RBBP7: variants seen among roughly 807,000 people sequenced by gnomAD.
RBBP7 encodes the protein histone-binding protein RBBP7.
In RBBP7, 5 loss-of-function variants were observed where a neutral mutation model predicts 35.2. The observed-to-expected ratio is 0.14, with a 90% confidence interval of 0.07 to 0.30. RBBP7 has a LOEUF of 0.30. Ranked by LOEUF, RBBP7 falls within the 10% of genes least tolerant of loss-of-function variation. The pLI is 1.00. For synonymous variants in RBBP7, 140 were observed against 118.7 expected (o/e 1.18, Z -1.17); for missense variants, 155 against 327.5 (o/e 0.47, Z 4.07).
chrX:16,861,708 T>C (rs1930480343), intron 3 of RBBP7, among the ~76,000 whole-genome samples: 1 of 111,675 alleles, frequency 9.0e-6, no homozygotes, highest in South Asian at 3.7e-4. Flanking sequence ...CTAATAGCGT[T>C]AAGCCATTTG....
At position 16,870,234 on chromosome X, in the gene RBBP7, C is replaced by T; in HGVS notation, c.-181G>A. Reference sequence around the variant, plus strand: ...GCCGCGTCCTTCTTTCCTGCCTCCTCCCCGCTCGCGGGTACCGAGGTCTGA... The same window carrying T: ...GCCGCGTCCTTCTTTCCTGCCTCCTTCCCGCTCGCGGGTACCGAGGTCTGA... On this transcript the variant is annotated 5_prime_UTR_variant, in exon 1 of 12. Coordinates refer to ENST00000380087, the MANE Select transcript of RBBP7 (RefSeq NM_002893.4). The T allele has an allele frequency of 1.6e-6, 1 of 617,897 alleles. No homozygotes were observed. Among genetic ancestry groups the T allele is most frequent in the Non-Finnish European group, 2.0e-6 (1 of 494,606 alleles). 50.9% of individuals were successfully genotyped at this position (617,897 alleles called of 1,213,427 possible).
At chrX:16,846,335 T>C (rs1035847531) in intron 10 of RBBP7, 1 of 118,585 alleles carries the variant, frequency 8.4e-6, no homozygotes, top group Non-Finnish European at 1.7e-5. Flanking sequence ...TTTGCTCATA[T>C]ACAGTTAGGT....
At chrX:16,861,988 GTCC>G (rs1930487350) in intron 3 of RBBP7, among the ~76,000 whole-genome samples, 1 of 111,850 alleles carries the variant, frequency 8.9e-6, no homozygotes, top group Admixed American at 9.5e-5. Flanking sequence ...TATTACTGGG[GTCC>G]TCAAGTTACA....
chrX:16,863,027 C>G lies in RBBP7; in HGVS notation c.235G>C (p.Val79Leu). ...TTGGGAATATGTACTCGAGCAACCA[C>G]CAGATGATTCTGCTCATCAGACGTA... is the stretch of plus-strand genomic sequence containing the variant. ...THTSDEQNHLVVARVHIPNDD... is the reference protein window; with the variant it reads ...THTSDEQNHLLVARVHIPNDD... Residue 79 changes from valine to leucine, a missense_variant, in exon 3 of 12, where the codon GTG (valine) becomes CTG (leucine). By Grantham distance (32) the Val-to-Leu change is conservative. This residue lies in a region of RBBP7 where 59 missense variants were observed against 90.4 expected (regional missense o/e 0.65). Transcript: ENST00000380087. 8.3e-7 allele frequency: 1 copy of G among 1,209,995 alleles called. No homozygotes were observed. The highest frequency in any genetic ancestry group is 1.1e-6 in the Non-Finnish European group (1 of 893,946).
intron 3 of RBBP7, among the ~76,000 whole-genome samples, chrX:16,859,980 C>T (rs1930429881): frequency 9.0e-6 from 1 of 111,009 alleles, no homozygotes; most frequent in African/African-American, 3.3e-5. Flanking sequence ...TATCTCAAAT[C>T]CACGATTACT....
intron 3 of RBBP7, among the ~76,000 whole-genome samples, chrX:16,859,608 C>T (rs1233350734): frequency 8.9e-6 from 1 of 112,197 alleles, no homozygotes; most frequent in Non-Finnish European, 1.9e-5. Flanking sequence ...CTTTTTTGTG[C>T]TCATAGATAA....
intron 6 of RBBP7, 40 bp from the exon 7 acceptor site, chrX:16,852,915 ACACACT>A: frequency 8.3e-7 from 1 of 1,208,327 alleles, no homozygotes; most frequent in Non-Finnish European, 1.1e-6. Flanking sequence ...CCCAGGGATG[ACACACT>A]CACATTCGGC....
At chrX:16,857,846 T>A in intron 4 of RBBP7, 137 bp from the exon 5 acceptor site, 1 of 894,952 alleles carries the variant, frequency 1.1e-6, no homozygotes, top group Non-Finnish European at 1.5e-6. Context: ...CAATGCAAAT[T>A]GAGCCTCATG....
chrX:16,867,435 A>C (rs1028036133), intron 2 of RBBP7, among the ~76,000 whole-genome samples: 3 of 111,852 alleles, frequency 2.7e-5, no homozygotes, highest in Non-Finnish European at 5.6e-5. Context: ...TCCAAACCAG[A>C]ACTTGAATAC....
intron 1 of RBBP7, chrX:16,869,630 C>G (rs1486126438): frequency 1.7e-6 from 2 of 1,158,918 alleles, no homozygotes; most frequent in Non-Finnish European, 2.3e-6. Context: ...CGACGCCCGC[C>G]TCGGCAGCCA....
At chrX:16,863,837 C>T (rs1308498026) in intron 2 of RBBP7, among the ~76,000 whole-genome samples, 1 of 111,364 alleles carries the variant, frequency 9.0e-6, no homozygotes, top group African/African-American at 3.3e-5. Flanking sequence ...CACCTTGGTC[C>T]GAGCAGTGAT....
chrX:16,860,660 C>A (rs1002745794), intron 3 of RBBP7, among the ~76,000 whole-genome samples: 1 of 89,343 alleles, frequency 1.1e-5, no homozygotes, highest in African/African-American at 4.4e-5. Context: ...GGTGACAGAG[C>A]GAAACTTCGT....
Position 16,863,058 on chromosome X carries a change from C to T in RBBP7, c.204G>A (p.Gly68=). ...GATTCTGCTCATCAGACGTATGAGTCCCCAGCACTAGCCAATGAAGGGCAT... is the reference window on the plus strand; with the variant it reads ...GATTCTGCTCATCAGACGTATGAGTTCCCAGCACTAGCCAATGAAGGGCAT... The part of the protein sequence containing the change: ...KDYALHWLVL[G]THTSDEQNHL... Residue 68 remains glycine, a synonymous_variant, in exon 3 of 12, where the codon GGG becomes GGA. Transcript: ENST00000380087. 8.3e-7 allele frequency: 1 copy of T among 1,210,309 alleles called. No individual in the cohort carries two copies. Among genetic ancestry groups the T allele is most frequent in the Non-Finnish European group, 1.1e-6 (1 of 894,337 alleles).
chrX:16,858,954 C>A (rs1207517591), intron 3 of RBBP7, 105 bp from the exon 4 acceptor site: 1 of 1,067,988 alleles, frequency 9.4e-7, no homozygotes, highest in Non-Finnish European at 1.2e-6. Context: ...GAATACAACA[C>A]AAACTGACAA....
chrX:16,861,927 A>G (rs1376119662), intron 3 of RBBP7, among the ~76,000 whole-genome samples: 2 of 111,881 alleles, frequency 1.8e-5, no homozygotes, highest in Admixed American at 9.5e-5. Flanking sequence ...TACTCTGCAG[A>G]TATCAAGATT....
intron 10 of RBBP7, chrX:16,848,644 T>C (rs1192089221): frequency 1.8e-5 from 2 of 112,014 alleles, no homozygotes; most frequent in African/African-American, 3.2e-5. Flanking sequence ...GAGACAAATG[T>C]TGGATTCAGA....
intron 9 of RBBP7, 125 bp from the exon 10 acceptor site, chrX:16,849,426 C>A: frequency 1.8e-6 from 1 of 567,670 alleles, no homozygotes. Flanking sequence ...CAACTTATTT[C>A]TATACTACAA....
rs1355934384 is a variant in RBBP7, at chrX:16,853,829, CACAG to C, written c.607_610del (p.Leu203GlyfsTer3). 1 of 1,145,209 alleles carries C rather than the reference CACAG, an allele frequency of 8.7e-7. No individual in the cohort carries two copies. Among genetic ancestry groups the C allele is most frequent in the Non-Finnish European group, 1.2e-6 (1 of 865,224 alleles). The allele number at this position is 1,145,209 out of a possible 1,213,427, so 94.4% of individuals were successfully genotyped here. ...TTCTTTTGGTCCTGCGTTTATATCCCACAGACAAACAGTCTAAGAGAGAAGGAGA... is the reference window on the plus strand; with the variant it reads ...TTCTTTTGGTCCTGCGTTTATATCCCACAAACAGTCTAAGAGAGAAGGAGA... On this transcript the variant is annotated frameshift_variant, in exon 6 of 12. Transcript: ENST00000380087. LOFTEE classifies it high-confidence loss of function.
chrX:16,865,501 C>CA (rs1930592998), intron 2 of RBBP7, among the ~76,000 whole-genome samples: 1 of 111,629 alleles, frequency 9.0e-6, no homozygotes, highest in African/African-American at 3.3e-5. Context: ...TTAATTATTC[C>CA]AGTTTTCCCC....
Sources: gnomAD v4.1 joint callset for allele counts (sites outside exome capture counted in the v4.1 genomes callset) on GRCh38, gnomAD v4.1.1 for gene constraint, gnomAD v4.1.1 regional missense constraint, MANE v1.5 for transcripts, NCBI Gene and HGNC (gene_info 2026-07-23, HGNC 2026-07-21) for gene names.